MCTP1: variants seen among roughly 807,000 people sequenced by gnomAD.
MCTP1 encodes the protein multiple C2 and transmembrane domain-containing protein 1.
MCTP1 carries 69 observed loss-of-function variants against 120.6 expected under a neutral mutation model. The ratio of observed to expected loss-of-function variants is 0.57; its 90% CI spans 0.47 to 0.70. MCTP1 has a LOEUF of 0.70. Ranked by LOEUF, MCTP1 falls within the 30% of genes least tolerant of loss-of-function variation. The pLI is 0.00. For missense variants in MCTP1, 1,203 were observed against 1,248.8 expected (o/e 0.96, Z 0.55); for synonymous variants, 529 against 493.1 (o/e 1.07, Z -0.96).
At chr5:94,728,339 A>G (rs1463972647) in intron 19 of MCTP1, among the ~76,000 whole-genome samples, 2 of 152,224 alleles carry the variant, frequency 1.3e-5, no homozygotes, top group African/African-American at 2.4e-5. Context: ...TGTCGAAGTC[A>G]TGTTAAAGGC....
chr5:94,717,554 T>C (rs1463329084), intron 19 of MCTP1, among the ~76,000 whole-genome samples: 1 of 152,160 alleles, frequency 6.6e-6, no homozygotes, highest in East Asian at 1.9e-4. Flanking sequence ...ATAAAGGGTA[T>C]TCACATAGGA....
intron 17 of MCTP1, chr5:94,826,687 C>G: frequency 1.6e-6 from 1 of 616,434 alleles, no homozygotes; most frequent in Non-Finnish European, 2.9e-6. Flanking sequence ...CTCTTATACA[C>G]ACTCCATGGT....
At chr5:95,017,096 A>G (rs1837269453) in intron 2 of MCTP1, among the ~76,000 whole-genome samples, 1 of 152,112 alleles carries the variant, frequency 6.6e-6, no homozygotes, top group South Asian at 2.1e-4. Flanking sequence ...TATGTCAGTA[A>G]TTACATATGA....
At chr5:95,161,332 A>G (rs977223080) in intron 1 of MCTP1, among the ~76,000 whole-genome samples, 5 of 152,172 alleles carry the variant, frequency 3.3e-5, no homozygotes, top group African/African-American at 1.2e-4. Flanking sequence ...TAAGTGAAAT[A>G]AGCCAGGCAT....
At chr5:94,998,394 G>T (rs1446785799) in intron 2 of MCTP1, among the ~76,000 whole-genome samples, 1 of 152,210 alleles carries the variant, frequency 6.6e-6, no homozygotes, top group Non-Finnish European at 1.5e-5. Context: ...CTCCTGCATT[G>T]TTAACTACTA....
chr5:94,827,622 C>T (rs1017252784), intron 17 of MCTP1, among the ~76,000 whole-genome samples: 2 of 152,098 alleles, frequency 1.3e-5, no homozygotes, highest in African/African-American at 2.4e-5. Flanking sequence ...TAGGTTTGGT[C>T]TTTTCACATA....
chr5:94,793,888 G>T (rs375378232), intron 18 of MCTP1, among the ~76,000 whole-genome samples: 1 of 152,232 alleles, frequency 6.6e-6, no homozygotes, highest in South Asian at 2.1e-4. Flanking sequence ...GGCACAGAGT[G>T]CTGCTCTTAG....
intron 1 of MCTP1, among the ~76,000 whole-genome samples, chr5:95,166,547 T>C (rs1244110056): frequency 6.6e-6 from 1 of 150,790 alleles, no homozygotes; most frequent in Non-Finnish European, 1.5e-5. Flanking sequence ...TAAAAACTTA[T>C]TTACCACCCT....
chr5:95,086,249 T>C (rs1755435097), intron 1 of MCTP1, among the ~76,000 whole-genome samples: 1 of 152,204 alleles, frequency 6.6e-6, no homozygotes, highest in Admixed American at 6.5e-5. Flanking sequence ...GTATCGGCTA[T>C]GTACCCCCGT....
chr5:95,210,675 T>C (rs1252009608), intron 1 of MCTP1, among the ~76,000 whole-genome samples: 1 of 151,898 alleles, frequency 6.6e-6, no homozygotes, highest in African/African-American at 2.4e-5. Context: ...TCCATTTACA[T>C]TTAAAGTTAA....
At chr5:95,124,598 C>T (rs1758484241) in intron 1 of MCTP1, among the ~76,000 whole-genome samples, 2 of 152,170 alleles carry the variant, frequency 1.3e-5, no homozygotes, top group Admixed American at 1.3e-4. Flanking sequence ...TACAGTAGTC[C>T]TTGTCCTTTC....
At chr5:94,838,148 T>C (rs2153189439) in intron 17 of MCTP1, among the ~76,000 whole-genome samples, 1 of 152,362 alleles carries the variant, frequency 6.6e-6, no homozygotes, top group South Asian at 2.1e-4. Flanking sequence ...TTAGGCCATA[T>C]GGTTTAAGTT....
At chr5:94,808,117 C>CTTAATGTGTAATTAA (rs563892350) in intron 17 of MCTP1, among the ~76,000 whole-genome samples, 66 of 152,206 alleles carry the variant, frequency 4.3e-4, no homozygotes, top group African/African-American at 1.5e-3. Context: ...AAGTCAGGCT[C>CTTAATGTGTAATTAA]CACCACATCA....
intron 1 of MCTP1, among the ~76,000 whole-genome samples, chr5:95,083,510 G>A (rs1324740013): frequency 6.6e-6 from 1 of 152,174 alleles, no homozygotes; most frequent in African/African-American, 2.4e-5. Context: ...TGTGACCCAC[G>A]CTGGTCTAGT....
At position 95,196,867 on chromosome 5, in the gene MCTP1, C is replaced by T. The variant is rs558500087; in HGVS notation, c.720+86989G>A. On this transcript the variant is annotated intron_variant, in intron 1 of 22. Coordinates refer to ENST00000515393, the MANE Select transcript of MCTP1 (RefSeq NM_024717.7). ...TAATGGTCACTTTTCAAAATAAGCCCGAGTTTCTCATTATTCTTAAGCTAT... is the reference window on the plus strand; with the variant it reads ...TAATGGTCACTTTTCAAAATAAGCCTGAGTTTCTCATTATTCTTAAGCTAT... 5.3e-5 allele frequency among the ~76,000 whole-genome samples: 8 copies of T among 152,170 alleles called. 1 individual carries two copies. The South Asian group carries it at 1.2e-3, about 24-fold the overall frequency.
chr5:94,731,193 A>G (rs1251429122), intron 19 of MCTP1, among the ~76,000 whole-genome samples: 1 of 152,064 alleles, frequency 6.6e-6, no homozygotes, highest in Non-Finnish European at 1.5e-5. Flanking sequence ...GATTGTTTTG[A>G]GTTTAATTTA....
chr5:94,731,165 A>G (rs1763053058), intron 19 of MCTP1, among the ~76,000 whole-genome samples: 1 of 152,186 alleles, frequency 6.6e-6, no homozygotes, highest in Non-Finnish European at 1.5e-5. Flanking sequence ...AAATCTCTAC[A>G]TACGTGGGGG....
chr5:95,109,600 A>G (rs1313957276), intron 1 of MCTP1, among the ~76,000 whole-genome samples: 1 of 152,206 alleles, frequency 6.6e-6, no homozygotes, highest in Non-Finnish European at 1.5e-5. Flanking sequence ...ATCAAGTTCA[A>G]GTCTAATTTT....
At chr5:95,181,871 T>C (rs913684616) in intron 1 of MCTP1, among the ~76,000 whole-genome samples, 2 of 152,236 alleles carry the variant, frequency 1.3e-5, no homozygotes, top group Non-Finnish European at 2.9e-5. Flanking sequence ...GATTGCTCAC[T>C]GTGTTTGTTA....
Sources: allele counts gnomAD v4.1 joint callset (sites outside exome capture counted in the v4.1 genomes callset), GRCh38; gene constraint gnomAD v4.1.1; transcripts MANE v1.5; gene names NCBI Gene and HGNC (gene_info 2026-07-23, HGNC 2026-07-21).